The following CALN1 variants were observed in gnomAD, a reference collection of about 807,000 sequenced individuals.
CALN1 encodes calcium-binding protein 8.
A neutral mutation model predicts 30.6 loss-of-function variants in CALN1; 17 were observed. The observed-to-expected ratio is 0.56, with a 90% CI of 0.38 to 0.83. CALN1 has a LOEUF of 0.83. Ranked by LOEUF, CALN1 falls within the 40% of genes least tolerant of loss-of-function variation. The pLI, the probability that CALN1 is intolerant of heterozygous loss-of-function variation, is 0.00. For synonymous variants in CALN1, 156 were observed against 131.4 expected (o/e 1.19, Z -1.28); for missense variants, 291 against 354.9 (o/e 0.82, Z 1.45).
chr7:72,208,013 C>T (rs1218096706), intron 3 of CALN1, among the ~76,000 whole-genome samples: 1 of 152,148 alleles, frequency 6.6e-6, no homozygotes, highest in African/African-American at 2.4e-5. Flanking sequence ...TATTGTTAAA[C>T]TCAGAAGATC....
chr7:72,112,961 G>T (rs1807681534), intron 3 of CALN1, among the ~76,000 whole-genome samples: 1 of 152,172 alleles, frequency 6.6e-6, no homozygotes, highest in Non-Finnish European at 1.5e-5. Flanking sequence ...TCAAGAGAAG[G>T]GTAAACAGGC....
At chr7:72,117,301 A>T (rs1808053943) in intron 3 of CALN1, among the ~76,000 whole-genome samples, 1 of 152,132 alleles carries the variant, frequency 6.6e-6, no homozygotes, top group Non-Finnish European at 1.5e-5. Context: ...AGAAGAAAGG[A>T]ATGCTTGAGT....
intron 2 of CALN1, among the ~76,000 whole-genome samples, chr7:72,293,851 C>T (rs1029604717): frequency 2.7e-4 from 41 of 152,058 alleles, no homozygotes; most frequent in Non-Finnish European, 5.9e-5. Context: ...AATCCCAGCA[C>T]TTTGGGAGGC....
intron 4 of CALN1, among the ~76,000 whole-genome samples, chr7:72,079,761 CTTTTTTTTTTTT>C (rs3065015): frequency 1.1e-4 from 11 of 104,044 alleles, no homozygotes; most frequent in Admixed American, 6.5e-4. Context: ...TGCCTTTTTC[CTTTTTTTTTTTT>C]TTTTTTTTTT....
At chr7:72,367,639 A>G (rs1048326047) in intron 2 of CALN1, among the ~76,000 whole-genome samples, 1 of 152,088 alleles carries the variant, frequency 6.6e-6, no homozygotes. Context: ...AATAAAAATA[A>G]AAATAAAAAT....
At chr7:72,171,569 C>T (rs570653144) in intron 3 of CALN1, among the ~76,000 whole-genome samples, 41 of 152,200 alleles carry the variant, frequency 2.7e-4, no homozygotes, top group Non-Finnish European at 5.3e-4. Context: ...CATCTGAAAA[C>T]CTGTATTATT....
At chr7:71,857,018 G>GTGTGTGTGTGTGTGTA (rs1554357094) in intron 5 of CALN1, among the ~76,000 whole-genome samples, 89 of 88,910 alleles carry the variant, frequency 1.0e-3, no homozygotes, top group African/African-American at 8.5e-3. Flanking sequence ...GTATATGTAT[G>GTGTGTGTGTGTGTGTA]TGTGTGTGTG....
At chr7:72,134,829 C>A (rs2129543045) in intron 3 of CALN1, among the ~76,000 whole-genome samples, 1 of 152,198 alleles carries the variant, frequency 6.6e-6, no homozygotes, top group East Asian at 1.9e-4. Flanking sequence ...TGCTGTTTGA[C>A]AGCATTTTAC....
chr7:71,858,233 C>G (rs1053524099), intron 5 of CALN1, among the ~76,000 whole-genome samples: 4 of 152,164 alleles, frequency 2.6e-5, no homozygotes, highest in Non-Finnish European at 4.4e-5. Context: ...CTTCTCCTTC[C>G]TGCTGTCACG....
intron 2 of CALN1, chr7:72,336,899 GCGCCCCCGGGC>G (rs1802096190): frequency 1.0e-6 from 1 of 984,592 alleles, no homozygotes; most frequent in African/African-American, 1.8e-5. Context: ...GGCTCCCTCG[GCGCCCCCGGGC>G]CGCTCCCCAC....
At chr7:72,009,798 A>G (rs145888040) in intron 5 of CALN1, among the ~76,000 whole-genome samples, 1,538 of 152,318 alleles carry the variant, frequency 0.01, 7 homozygotes, top group Non-Finnish European at 0.015. Context: ...CATGTAAGAC[A>G]TGCCTTTCAC....
At chr7:71,914,588 G>A (rs982360393) in intron 5 of CALN1, among the ~76,000 whole-genome samples, 1 of 152,238 alleles carries the variant, frequency 6.6e-6, no homozygotes, top group East Asian at 1.9e-4. Context: ...TGGGTCAAAT[G>A]ATATTTCTGT....
intron 3 of CALN1, among the ~76,000 whole-genome samples, chr7:72,121,281 AATAT>A (rs1808368177): frequency 7.0e-6 from 1 of 141,928 alleles, no homozygotes; most frequent in East Asian, 2.0e-4. Flanking sequence ...ATTATATAAT[AATAT>A]ATAAATTATA....
At chr7:72,192,061 C>G (rs1158244605) in intron 3 of CALN1, among the ~76,000 whole-genome samples, 1 of 152,196 alleles carries the variant, frequency 6.6e-6, no homozygotes, top group East Asian at 1.9e-4. Context: ...CGTACGGCCC[C>G]TTCCTCCGCA....
At chr7:72,296,474 C>T (rs139333198) in intron 2 of CALN1, among the ~76,000 whole-genome samples, 120,728 of 150,666 alleles carry the variant, frequency 0.8, 49,741 homozygotes, top group Middle Eastern at 0.93. Context: ...AGAATTCGGC[C>T]GTGAATCCAT....
intron 3 of CALN1, among the ~76,000 whole-genome samples, chr7:72,269,512 G>A (rs1230958728): frequency 6.6e-6 from 1 of 152,112 alleles, no homozygotes; most frequent in Non-Finnish European, 1.5e-5. Flanking sequence ...GTTGAGAACA[G>A]AAAACAAATA....
At chr7:72,310,246 A>T (rs1799949895) in intron 2 of CALN1, among the ~76,000 whole-genome samples, 1 of 151,520 alleles carries the variant, frequency 6.6e-6, no homozygotes, top group Non-Finnish European at 1.5e-5. Flanking sequence ...ACTCCATCTT[A>T]GTTTTGCCAT....
At chr7:72,477,354 G>A in the CALN1 span, among the ~76,000 whole-genome samples, 1 of 152,162 alleles carries the variant, frequency 6.6e-6, no homozygotes, top group Non-Finnish European at 1.5e-5. Context: ...TGAGGCCCCA[G>A]TACACAAAAG....
At chr7:71,849,813 G>C (rs1364656663) in intron 5 of CALN1, among the ~76,000 whole-genome samples, 1 of 151,872 alleles carries the variant, frequency 6.6e-6, no homozygotes, top group Non-Finnish European at 1.5e-5. Context: ...CTCTGTCATT[G>C]TTTTGTAGAG....
Sources: allele counts gnomAD v4.1 joint callset (sites outside exome capture counted in the v4.1 genomes callset), GRCh38; gene constraint gnomAD v4.1.1; transcripts MANE v1.5; gene names NCBI Gene and HGNC (gene_info 2026-07-23, HGNC 2026-07-21).